Variants in TMPRSS13 observed in about 807,000 individuals in gnomAD.
TMPRSS13 encodes transmembrane protease serine 13.
TMPRSS13 carries 50 observed loss-of-function variants against 68.4 expected under a neutral mutation model. The ratio of observed to expected loss-of-function variants is 0.73; its 90% CI spans 0.58 to 0.93. TMPRSS13 has a LOEUF of 0.93. TMPRSS13 is among the 40% of genes least tolerant of loss of function. The pLI is 0.00. For missense variants in TMPRSS13, 615 were observed against 729.2 expected (o/e 0.84, Z 1.80); for synonymous variants, 267 against 285.8 (o/e 0.93, Z 0.66).
intron 1 of TMPRSS13, among the ~76,000 whole-genome samples, chr11:117,920,639 C>T (rs751911632): frequency 4.6e-5 from 7 of 152,094 alleles, no homozygotes; most frequent in Non-Finnish European, 7.3e-5. Flanking sequence ...TATGCACCCG[C>T]CACCACACCC....
chr11:117,905,814 A>G lies in TMPRSS13; in HGVS notation c.1283-78T>C, dbSNP rs540198700. The G allele has an allele frequency of 1.0e-5, 11 of 1,092,186 alleles. No individual in the cohort carries two copies. The East Asian group carries it at 2.8e-4, about 28-fold the overall frequency. The allele number at this position is 1,092,186 out of a possible 1,614,324, so 67.7% of individuals were successfully genotyped here. On this transcript the variant is annotated intron_variant, in intron 9 of 12. Transcript: ENST00000524993. ...AGGGGGAGGGAGAAGGAGCACAACC[A>G]CTCTGGGGGCAAGGAGGGGTCTCCT...
intron 4 of TMPRSS13, 93 bp from the exon 5 acceptor site, chr11:117,913,999 T>C (rs11216618): frequency 0.26 from 377,852 of 1,453,916 alleles, 51,569 homozygotes; most frequent in South Asian, 0.29. Context: ...GAGAAAGCGC[T>C]TGTCCTGACA....
At chr11:117,917,686 T>C (rs1591626675) in intron 2 of TMPRSS13, among the ~76,000 whole-genome samples, 1 of 152,114 alleles carries the variant, frequency 6.6e-6, no homozygotes, top group Non-Finnish European at 1.5e-5. Context: ...TCCAGTGCAG[T>C]GGGTCTGATA....
At position 117,929,390 on chromosome 11, in the gene TMPRSS13, G is replaced by A. The variant is rs1049256851; in HGVS notation, c.-83C>T. 1 of 1,387,030 alleles carries A rather than the reference G, an allele frequency of 7.2e-7. No individual in the cohort carries two copies. Among genetic ancestry groups the A allele is most frequent in the Non-Finnish European group, 9.9e-7 (1 of 1,007,620 alleles). The allele number at this position is 1,387,030 out of a possible 1,614,324, so 85.9% of individuals were successfully genotyped here. ...TGGTCCCTGGCTTCTCAGGCATGTA[G>A]GGTAAAGGAGTTGGAGGGCCAAGGG... On this transcript the variant is annotated 5_prime_UTR_variant, in exon 1 of 13. Transcript: ENST00000524993.
chr11:117,903,564 C>A (rs1475163860), intron 12 of TMPRSS13, 91 bp downstream of exon 12: 5 of 1,597,440 alleles, frequency 3.1e-6, no homozygotes, highest in Non-Finnish European at 4.3e-6. Flanking sequence ...GCTGAGGGGA[C>A]CTCTGCCTAC....
chr11:117,908,417 T>C, intron 9 of TMPRSS13, 195 bp downstream of exon 9: 2 of 651,666 alleles, frequency 3.1e-6, no homozygotes, highest in South Asian at 1.9e-5. Context: ...AGCAAACTTA[T>C]TTATAACCCT....
rs1255222997 is a variant in TMPRSS13, at chr11:117,902,093, CACACACACACAG to C, written c.*134_*145del. On this transcript the variant is annotated 3_prime_UTR_variant, in exon 13 of 13. Transcript: ENST00000524993. ...ATATGCACACACACACACACACACA[CACACACACACAG>C]AGGCAGCAGACAGTGGAGGTGGGAG... The C allele has an allele frequency of 3.6e-6, 3 of 834,472 alleles. No homozygotes were observed. Among genetic ancestry groups the C allele is most frequent in the Non-Finnish European group, 5.8e-6 (3 of 515,094 alleles). The allele number at this position is 834,472 out of a possible 1,614,324, so 51.7% of individuals were successfully genotyped here. A position where few individuals can be genotyped will look rare whatever the true frequency, so the allele number is the denominator to read the frequency against.
At chr11:117,903,271 T>A (rs1000400842) in intron 12 of TMPRSS13, 1 of 1,271,436 alleles carries the variant, frequency 7.9e-7, no homozygotes, top group Non-Finnish European at 1.1e-6. Context: ...GGAAAGGCCA[T>A]GAAGAGCGGA....
rs552277575 is a variant in TMPRSS13, at chr11:117,922,611, T to C, written c.22-3773A>G. Among the ~76,000 whole-genome samples the C allele has an allele frequency of 1.1e-4, 17 of 152,306 alleles. No individual in the cohort carries two copies. The highest frequency in any genetic ancestry group is 3.6e-4 in the African/African-American group (15 of 41,572). The stretch of plus-strand genomic sequence containing the variant: ...CTTCCCAAATCCTGGCCTTTGGCAG[T>C]GAGCCGAAGACTCAGAAGTGGAAGT... On this transcript the variant is annotated intron_variant, in intron 1 of 12. Transcript: ENST00000524993. The surrounding 1 kb of genome is among the most constrained non-coding windows in gnomAD (Gnocchi z 4.2).
chr11:117,921,363 C>A (rs2057645842), intron 1 of TMPRSS13, among the ~76,000 whole-genome samples: 2 of 152,288 alleles, frequency 1.3e-5, no homozygotes, highest in African/African-American at 2.4e-5. Flanking sequence ...ACACAAGGAC[C>A]CGGGGCTCAG....
Position 117,914,222 on chromosome 11 carries a change from C to T in TMPRSS13, c.679+170G>A, listed in dbSNP as rs2057550483. On this transcript the variant is annotated intron_variant, in intron 4 of 12. Coordinates refer to ENST00000524993, the MANE Select transcript of TMPRSS13 (RefSeq NM_001077263.3). The surrounding 1 kb of genome is among the most constrained non-coding windows in gnomAD (Gnocchi z 4.2). ...GATTACATACATGCACACATGCACA[C>T]ACACATACGTGCACACACACATACA... Among the ~76,000 whole-genome samples, 1 of 152,140 alleles carries T rather than the reference C, an allele frequency of 6.6e-6. No homozygotes were observed. The highest frequency in any genetic ancestry group is 2.4e-5 in the African/African-American group (1 of 41,432).
chr11:117,923,139 A>G (rs2057663975), intron 1 of TMPRSS13, among the ~76,000 whole-genome samples: 1 of 152,190 alleles, frequency 6.6e-6, no homozygotes. Context: ...TTACAGACTG[A>G]GAGGTAGAGG....
chr11:117,910,656 C>A (rs768286315), intron 7 of TMPRSS13, 51 bp downstream of exon 7: 2 of 1,562,644 alleles, frequency 1.3e-6, no homozygotes, highest in Non-Finnish European at 1.7e-6. Flanking sequence ...GCCCCTCTGC[C>A]CTTTACTCCC....
At chr11:117,905,582 T>TATACACACACATGCACATGA in intron 10 of TMPRSS13, 56 bp downstream of exon 10, 1 of 1,440,118 alleles carries the variant, frequency 6.9e-7, no homozygotes, top group South Asian at 1.2e-5. Context: ...CACGCACATG[T>TATACACACACATGCACATGA]ATACACACAC....
At chr11:117,916,912 A>C (rs2134904798) in intron 3 of TMPRSS13, among the ~76,000 whole-genome samples, 1 of 152,314 alleles carries the variant, frequency 6.6e-6, no homozygotes, top group African/African-American at 2.4e-5. Context: ...TAACTTGCCC[A>C]AGTAAGCTGC....
intron 1 of TMPRSS13, among the ~76,000 whole-genome samples, chr11:117,919,824 T>A (rs1272134228): frequency 6.6e-6 from 1 of 152,236 alleles, no homozygotes; most frequent in East Asian, 1.9e-4. Flanking sequence ...ACCCCATGCC[T>A]ATTTGTCTCT....
chr11:117,923,787 A>T (rs1018901665), intron 1 of TMPRSS13, among the ~76,000 whole-genome samples: 35 of 150,918 alleles, frequency 2.3e-4, no homozygotes, highest in Non-Finnish European at 4.1e-4. Context: ...ATACATATGT[A>T]ACAAACCTGC....
intron 1 of TMPRSS13, among the ~76,000 whole-genome samples, chr11:117,925,427 C>T (rs919043946): frequency 5.9e-5 from 9 of 151,998 alleles, no homozygotes; most frequent in African/African-American, 2.2e-4. Context: ...ATTCATTTAT[C>T]AAATGCTGTA....
At chr11:117,909,712 ATCCTCC>A in intron 8 of TMPRSS13, 88 bp downstream of exon 8, 1 of 1,448,310 alleles carries the variant, frequency 6.9e-7, no homozygotes. Context: ...CACACCCAGA[ATCCTCC>A]TCCACGAAGA....
Sources: gnomAD v4.1 joint callset for allele counts (sites outside exome capture counted in the v4.1 genomes callset) on GRCh38, gnomAD v4.1.1 for gene constraint, Gnocchi (gnomAD v3.1) non-coding constraint, MANE v1.5 for transcripts, NCBI Gene and HGNC (gene_info 2026-07-23, HGNC 2026-07-21) for gene names.